The following RBM6 variants were observed in gnomAD, a reference collection of about 807,000 sequenced individuals.
The protein encoded by RBM6 is RNA binding motif protein 6.
In RBM6, 23 loss-of-function variants were observed where a neutral mutation model predicts 140.4. The observed-to-expected ratio is 0.16, with a 90% CI of 0.12 to 0.23. The LOEUF is 0.23. Ranked by LOEUF, RBM6 falls within the 10% of genes least tolerant of loss-of-function variation. The pLI, the probability that RBM6 is intolerant of heterozygous loss-of-function variation, is 1.00. For synonymous variants in RBM6, 439 were observed against 475.6 expected (o/e 0.92, Z 1.00); for missense variants, 1,139 against 1,386.7 (o/e 0.82, Z 2.84).
chr3:49,986,373 T>A (rs1230955403), intron 5 of RBM6, among the ~76,000 whole-genome samples: 1 of 151,360 alleles, frequency 6.6e-6, no homozygotes, highest in East Asian at 2.0e-4. Flanking sequence ...GGCAAGCGGA[T>A]CATGAGGTCA....
intron 5 of RBM6, among the ~76,000 whole-genome samples, chr3:49,994,926 A>G (rs2086013215): frequency 6.6e-6 from 1 of 152,168 alleles, no homozygotes; most frequent in Non-Finnish European, 1.5e-5. Flanking sequence ...TTGAAGATCC[A>G]TCTCATTTAC....
chr3:50,075,973 CT>C (rs1331876971), intron 20 of RBM6, among the ~76,000 whole-genome samples: 207 of 143,184 alleles, frequency 1.4e-3, no homozygotes, highest in Middle Eastern at 3.8e-3. Context: ...AGATTCTTTT[CT>C]TTTTTTTTTT....
chr3:50,061,435 C>T, intron 13 of RBM6, 27 bp from the exon 14 acceptor site: 1 of 1,587,616 alleles, frequency 6.3e-7, no homozygotes, highest in Non-Finnish European at 8.5e-7. Flanking sequence ...CAGAGACTAA[C>T]ATTGGCTCTG....
At chr3:49,959,337 C>T (rs1206707091) in intron 1 of RBM6, among the ~76,000 whole-genome samples, 2 of 149,642 alleles carry the variant, frequency 1.3e-5, no homozygotes, top group Non-Finnish European at 3.0e-5. Flanking sequence ...TACAGGTGCC[C>T]GCCACCACGC....
chr3:49,997,666 A>AGTGTT (rs2086149548), intron 5 of RBM6, among the ~76,000 whole-genome samples: 1 of 152,174 alleles, frequency 6.6e-6, no homozygotes, highest in Admixed American at 6.6e-5. Flanking sequence ...GATTGTAGAC[A>AGTGTT]TGCATTTGAG....
intron 1 of RBM6, among the ~76,000 whole-genome samples, chr3:49,941,504 G>A (rs1243505705): frequency 6.6e-6 from 1 of 151,786 alleles, no homozygotes; most frequent in Non-Finnish European, 1.5e-5. Flanking sequence ...GCCGGGCATG[G>A]TGGCACATGC....
intron 6 of RBM6, among the ~76,000 whole-genome samples, chr3:50,033,330 A>C (rs7621352): frequency 0.48 from 73,076 of 151,960 alleles, 18,895 homozygotes; most frequent in East Asian, 0.86. Context: ...ACGGGGCCTC[A>C]CATATGTACA....
intron 5 of RBM6, among the ~76,000 whole-genome samples, chr3:49,994,972 G>A (rs2086015685): frequency 6.6e-6 from 1 of 151,978 alleles, no homozygotes; most frequent in South Asian, 2.1e-4. Context: ...TATGAAAATT[G>A]GGCCTGTTAT....
At chr3:50,062,246 T>G (rs2089968455) in intron 15 of RBM6, 138 bp downstream of exon 15, 1 of 1,031,128 alleles carries the variant, frequency 9.7e-7, no homozygotes, top group Admixed American at 3.0e-5. Context: ...GGCTAACGCC[T>G]GTAATCCCAG....
At chr3:50,059,030 G>T (rs1465702240) in intron 10 of RBM6, 1 of 153,342 alleles carries the variant, frequency 6.5e-6, no homozygotes, top group Non-Finnish European at 1.5e-5. Context: ...TTCAGGTCAG[G>T]TGACAGCCCT....
intron 8 of RBM6, among the ~76,000 whole-genome samples, chr3:50,056,129 G>T (rs900673411): frequency 6.6e-6 from 1 of 152,162 alleles, no homozygotes; most frequent in African/African-American, 2.4e-5. Flanking sequence ...TTAGGGGAAG[G>T]CTGTGTATGT....
At chr3:49,958,842 T>C (rs1057161110) in intron 1 of RBM6, among the ~76,000 whole-genome samples, 1 of 144,410 alleles carries the variant, frequency 6.9e-6, no homozygotes, top group South Asian at 2.3e-4. Context: ...GCTGGAGTGC[T>C]GAGTGCCATG....
chr3:50,074,057 G>A (rs1176426777), intron 19 of RBM6, among the ~76,000 whole-genome samples: 2 of 152,086 alleles, frequency 1.3e-5, no homozygotes, highest in Non-Finnish European at 2.9e-5. Flanking sequence ...TCGAACTCCT[G>A]ACCTCAGGTG....
intron 1 of RBM6, among the ~76,000 whole-genome samples, chr3:49,961,593 G>A (rs2084284263): frequency 6.6e-6 from 1 of 151,776 alleles, no homozygotes. Flanking sequence ...AATGTTAGGA[G>A]TTCGAGACCA....
intron 1 of RBM6, among the ~76,000 whole-genome samples, chr3:49,946,144 A>G (rs2083475621): frequency 6.6e-6 from 1 of 151,982 alleles, no homozygotes. Context: ...CTTCCACTCC[A>G]TGGTATTTTG....
chr3:50,056,603 T>C (rs2089712757), intron 8 of RBM6, among the ~76,000 whole-genome samples: 1 of 152,166 alleles, frequency 6.6e-6, no homozygotes, highest in Admixed American at 6.6e-5. Context: ...CATGAATAGA[T>C]AGTGTATGAA....
At chr3:49,949,790 A>T (rs2083655462) in intron 1 of RBM6, among the ~76,000 whole-genome samples, 1 of 152,082 alleles carries the variant, frequency 6.6e-6, no homozygotes, top group African/African-American at 2.4e-5. Flanking sequence ...TACAGGCCTG[A>T]GCTACCACGC....
At chr3:50,003,919 A>G (rs568258176) in intron 6 of RBM6, among the ~76,000 whole-genome samples, 1 of 152,352 alleles carries the variant, frequency 6.6e-6, no homozygotes, top group East Asian at 1.9e-4. Flanking sequence ...TAGCCCTGTC[A>G]TATGCCCTTG....
intron 4 of RBM6, 147 bp downstream of exon 4, chr3:49,972,295 A>G (rs1251482011): frequency 4.6e-6 from 3 of 655,368 alleles, no homozygotes; most frequent in Non-Finnish European, 7.9e-6. Flanking sequence ...CTCAGTGTTA[A>G]TATTTTGCAC....
Sources: gnomAD v4.1 joint callset for allele counts (sites outside exome capture counted in the v4.1 genomes callset) on GRCh38, gnomAD v4.1.1 for gene constraint, MANE v1.5 for transcripts, NCBI Gene and HGNC (gene_info 2026-07-23, HGNC 2026-07-21) for gene names.